Variants in CADM1 observed in about 807,000 individuals in gnomAD.
CADM1 encodes TSLC-1.
In CADM1, 15 loss-of-function variants were observed where a neutral mutation model predicts 53.1. The observed-to-expected ratio is 0.28, with a 90% confidence interval of 0.19 to 0.44. The LOEUF (loss-of-function observed/expected upper bound fraction) is 0.44, where lower values mean the gene tolerates loss of function less well. Ranked by LOEUF, CADM1 falls within the 20% of genes least tolerant of loss-of-function variation. The probability of loss-of-function intolerance (pLI) is 1.00; values close to 1 mark genes in which losing one functional copy is unlikely to be tolerated. For missense variants in CADM1, 434 were observed against 611.3 expected (o/e 0.71, Z 3.06); for synonymous variants, 281 against 243.0 (o/e 1.16, Z -1.45).
chr11:115,221,879 C>T (rs45591740), intron 5 of CADM1, among the ~76,000 whole-genome samples: 1,529 of 152,224 alleles, frequency 0.01, 9 homozygotes, highest in Non-Finnish European at 0.016. Context: ...CCTATTATCC[C>T]TGGAGTCCCC....
intron 1 of CADM1, among the ~76,000 whole-genome samples, chr11:115,308,624 T>C (rs1053541444): frequency 6.6e-6 from 1 of 152,060 alleles, no homozygotes; most frequent in Non-Finnish European, 1.5e-5. Context: ...TAGAAAGGTA[T>C]AGATATCTAT....
At chr11:115,190,798 G>T (rs894919825) in intron 10 of CADM1, 90 bp downstream of exon 10, 4 of 1,075,034 alleles carry the variant, frequency 3.7e-6, no homozygotes, top group Non-Finnish European at 5.5e-6. Context: ...CACACTGATT[G>T]CTCAGCAAAC....
At chr11:115,397,900 G>A (rs2135202883) in intron 1 of CADM1, among the ~76,000 whole-genome samples, 1 of 152,278 alleles carries the variant, frequency 6.6e-6, no homozygotes, top group Admixed American at 6.5e-5. Context: ...AGAAAGTACT[G>A]CAGCAATGCC....
chr11:115,243,776 T>G (rs893660671), intron 1 of CADM1, among the ~76,000 whole-genome samples: 8 of 152,184 alleles, frequency 5.3e-5, no homozygotes, highest in Non-Finnish European at 7.3e-5. Flanking sequence ...AACAGGCAAC[T>G]TTGGTGCCTT....
At chr11:115,282,919 A>G (rs1262836634) in intron 1 of CADM1, among the ~76,000 whole-genome samples, 1 of 152,222 alleles carries the variant, frequency 6.6e-6, no homozygotes, top group Non-Finnish European at 1.5e-5. Flanking sequence ...ACAGTATTCT[A>G]CAGAGCATAG....
intron 1 of CADM1, among the ~76,000 whole-genome samples, chr11:115,372,212 T>C (rs575735231): frequency 2.0e-5 from 3 of 152,320 alleles, no homozygotes; most frequent in Non-Finnish European, 4.4e-5. Context: ...AGATAAGTAT[T>C]CTATGAGCCA....
chr11:115,193,690 C>T (rs527441058), intron 9 of CADM1: 2 of 151,970 alleles, frequency 1.3e-5, no homozygotes, highest in Non-Finnish European at 2.9e-5. Flanking sequence ...TGCTTATGGG[C>T]TCAGTTTTTC....
intron 7 of CADM1, among the ~76,000 whole-genome samples, chr11:115,211,517 T>A (rs375960270): frequency 1.4e-5 from 2 of 145,836 alleles, no homozygotes; most frequent in East Asian, 4.0e-4. Context: ...TCTTGCTTTG[T>A]CGCCCAGGCT....
Position 115,173,631 on chromosome 11 carries a change from T to A in CADM1, c.*2843A>T. On this transcript the variant is annotated 3_prime_UTR_variant, in exon 12 of 12. Coordinates refer to ENST00000331581, the MANE Select transcript of CADM1 (RefSeq NM_001301043.2). ...CCATAAAGAGATTAAAGGATCACTTTGTAACATTAATTTTTTTTTATTAAG... is the reference window on the plus strand; with the variant it reads ...CCATAAAGAGATTAAAGGATCACTTAGTAACATTAATTTTTTTTTATTAAG... The A allele has an allele frequency of 3.2e-6, 1 of 316,270 alleles. No homozygotes were observed. The highest frequency in any genetic ancestry group is 4.5e-6 in the Non-Finnish European group (1 of 220,172). 19.6% of individuals were successfully genotyped at this position (316,270 alleles called of 1,614,324 possible). A position where few individuals can be genotyped will look rare whatever the true frequency, so the allele number is the denominator to read the frequency against.
chr11:115,363,689 G>A (rs1253910446), intron 1 of CADM1: 1 of 152,160 alleles, frequency 6.6e-6, no homozygotes, highest in African/African-American at 2.4e-5. Context: ...ATTCACTAAT[G>A]GGAAAAGGTA....
chr11:115,240,595 A>T (rs766937128), intron 1 of CADM1, among the ~76,000 whole-genome samples, 175 bp from the exon 2 acceptor site: 1 of 152,234 alleles, frequency 6.6e-6, no homozygotes, highest in African/African-American at 2.4e-5. Context: ...AATCGAAGAC[A>T]GATCAAGGGA....
At chr11:115,216,705 G>C (rs1941202011) in intron 6 of CADM1, among the ~76,000 whole-genome samples, 1 of 152,162 alleles carries the variant, frequency 6.6e-6, no homozygotes, top group Admixed American at 6.5e-5. Flanking sequence ...AACTCCACAT[G>C]GTTAGCACAG....
intron 8 of CADM1, among the ~76,000 whole-genome samples, chr11:115,200,923 C>G (rs1200344409): frequency 2.6e-5 from 4 of 152,182 alleles, no homozygotes; most frequent in Admixed American, 2.6e-4. Context: ...TTACTGTCTT[C>G]CTACATCACA....
intron 1 of CADM1, among the ~76,000 whole-genome samples, chr11:115,458,117 GTC>G (rs4019424): frequency 0.84 from 125,951 of 149,272 alleles, 53,199 homozygotes; most frequent in East Asian, 0.97. Flanking sequence ...GGATACTAAA[GTC>G]TCTCTCTCTC....
chr11:115,382,696 A>G (rs1946608568), intron 1 of CADM1, among the ~76,000 whole-genome samples: 1 of 152,136 alleles, frequency 6.6e-6, no homozygotes, highest in South Asian at 2.1e-4. Context: ...CCTTTATAGG[A>G]AACTAAGAAA....
chr11:115,434,371 A>G (rs918257011), intron 1 of CADM1, among the ~76,000 whole-genome samples: 1 of 152,200 alleles, frequency 6.6e-6, no homozygotes, highest in African/African-American at 2.4e-5. Flanking sequence ...ACAGTAATAC[A>G]TATATAGGAC....
chr11:115,179,210 T>C (rs1348820273), intron 10 of CADM1: 5 of 224,806 alleles, frequency 2.2e-5, no homozygotes, highest in Non-Finnish European at 4.6e-5. Flanking sequence ...ACTTTTATTA[T>C]CTGGTAGATT....
At chr11:115,276,486 C>T (rs545578375) in intron 1 of CADM1, among the ~76,000 whole-genome samples, 138 of 152,222 alleles carry the variant, frequency 9.1e-4, no homozygotes, top group African/African-American at 3.0e-3. Flanking sequence ...ACAGACAAAG[C>T]GGCGTGGAGA....
chr11:115,498,408 T>A (rs1949666385), intron 1 of CADM1, among the ~76,000 whole-genome samples: 1 of 152,206 alleles, frequency 6.6e-6, no homozygotes, highest in Non-Finnish European at 1.5e-5. Context: ...CTCATAGTCA[T>A]CAAACTAACA....
Sources: allele counts gnomAD v4.1 joint callset (sites outside exome capture counted in the v4.1 genomes callset), GRCh38; gene constraint gnomAD v4.1.1; transcripts MANE v1.5; gene names NCBI Gene and HGNC (gene_info 2026-07-23, HGNC 2026-07-21).